Variants in ZNF138 observed in about 807,000 individuals in gnomAD.
The protein encoded by ZNF138 is zinc finger protein 138.
ZNF138 carries 33 observed loss-of-function variants against 33.0 expected under a neutral mutation model. The ratio of observed to expected loss-of-function variants is 1.00; its 90% CI spans 0.76 to 1.34. ZNF138 has a LOEUF of 1.34. ZNF138 is among the 40% of genes most tolerant of loss of function. ZNF138 has a pLI of 0.00. For missense variants in ZNF138, 360 were observed against 370.8 expected (o/e 0.97, Z 0.24); for synonymous variants, 139 against 120.4 (o/e 1.15, Z -1.01).
chr7:64,804,924 G>A (rs537279991), intron 1 of ZNF138, among the ~76,000 whole-genome samples: 7 of 152,214 alleles, frequency 4.6e-5, no homozygotes, highest in East Asian at 1.9e-4. Flanking sequence ...CATAACACCC[G>A]TGTTTCTCAT....
At chr7:64,805,839 G>A (rs1299644714) in intron 1 of ZNF138, among the ~76,000 whole-genome samples, 1 of 152,198 alleles carries the variant, frequency 6.6e-6, no homozygotes, top group Non-Finnish European at 1.5e-5. Context: ...TTTTGTCGTT[G>A]GTTATAACCA....
At chr7:64,845,056 A>G in the ZNF138 span, among the ~76,000 whole-genome samples, 1 of 151,870 alleles carries the variant, frequency 6.6e-6, no homozygotes, top group Admixed American at 6.6e-5. Context: ...AATTAACCCA[A>G]TTTGTAGTCT....
the ZNF138 span, among the ~76,000 whole-genome samples, chr7:64,849,319 T>C: frequency 6.6e-6 from 1 of 152,206 alleles, no homozygotes; most frequent in Non-Finnish European, 1.5e-5. Context: ...CAGCTGTGGA[T>C]ATTAGCACCT....
At chr7:64,850,492 T>A in the ZNF138 span, among the ~76,000 whole-genome samples, 25 of 152,354 alleles carry the variant, frequency 1.6e-4, no homozygotes, top group African/African-American at 6.0e-4. Context: ...AAAGGGGTTT[T>A]TAAATTTCTC....
At chr7:64,857,804 A>G in the ZNF138 span, among the ~76,000 whole-genome samples, 1 of 152,356 alleles carries the variant, frequency 6.6e-6, no homozygotes, top group Middle Eastern at 3.4e-3. Context: ...TTAAAGTCGC[A>G]ATAGCACCAC....
chr7:64,843,888 G>A, the ZNF138 span, among the ~76,000 whole-genome samples: 130,611 of 151,912 alleles, frequency 0.86, 57,500 homozygotes, highest in South Asian at 0.97. Flanking sequence ...GCAGTGGTGT[G>A]ACCTTGGCTC....
the ZNF138 span, chr7:64,853,362 G>A: frequency 1.4e-6 from 2 of 1,462,664 alleles, no homozygotes; most frequent in Non-Finnish European, 1.9e-6. Context: ...TATGGTTGTT[G>A]GGCCCCACTC....
chr7:64,860,639 A>C, the ZNF138 span, among the ~76,000 whole-genome samples: 1 of 152,254 alleles, frequency 6.6e-6, no homozygotes, highest in African/African-American at 2.4e-5. Context: ...CATTATTTTC[A>C]AACACCAGAC....
intron 1 of ZNF138, among the ~76,000 whole-genome samples, chr7:64,812,635 A>AT (rs1788270219): frequency 1.3e-5 from 2 of 152,114 alleles, no homozygotes; most frequent in African/African-American, 4.8e-5. Flanking sequence ...AGAGCAGCTT[A>AT]TTGTTCTGAG....
intron 1 of ZNF138, among the ~76,000 whole-genome samples, chr7:64,809,691 A>G (rs551626862): frequency 0.01 from 1,510 of 145,824 alleles, 29 homozygotes; most frequent in African/African-American, 0.036. Flanking sequence ...GGGGCTCCTC[A>G]CTTCTCAGAC....
the ZNF138 span, among the ~76,000 whole-genome samples, chr7:64,842,813 A>G: frequency 6.6e-6 from 1 of 152,252 alleles, no homozygotes; most frequent in Non-Finnish European, 1.5e-5. Context: ...TAGTTACCTC[A>G]CATAGTTAAC....
At chr7:64,827,804 T>C (rs550837891) in intron 3 of ZNF138, among the ~76,000 whole-genome samples, 1 of 152,178 alleles carries the variant, frequency 6.6e-6, no homozygotes, top group Non-Finnish European at 1.5e-5. Context: ...TTTAATTTTC[T>C]TCTGCAATTT....
downstream of ZNF138, chr7:64,835,588 G>C (rs902565201): frequency 6.6e-6 from 1 of 151,586 alleles, no homozygotes; most frequent in Non-Finnish European, 1.5e-5. Flanking sequence ...TTGTAAATTG[G>C]TCTCAACTAC....
chr7:64,797,307 ATTAT>A (rs1479790181), intron 1 of ZNF138, among the ~76,000 whole-genome samples: 3 of 152,198 alleles, frequency 2.0e-5, no homozygotes, highest in Non-Finnish European at 2.9e-5. Flanking sequence ...TAATAAAATA[ATTAT>A]TTATCGTTTT....
At chr7:64,805,181 G>A (rs570900112) in intron 1 of ZNF138, among the ~76,000 whole-genome samples, 5 of 152,034 alleles carry the variant, frequency 3.3e-5, no homozygotes, top group Admixed American at 6.5e-5. Flanking sequence ...GGTGGATCAC[G>A]AGGTCAGGGG....
chr7:64,850,336 C>T, the ZNF138 span, among the ~76,000 whole-genome samples: 1 of 152,224 alleles, frequency 6.6e-6, no homozygotes, highest in Non-Finnish European at 1.5e-5. Flanking sequence ...TTGCTTCCGT[C>T]AGAGGGTCTT....
chr7:64,831,792 C>T lies in ZNF138; in HGVS notation c.550C>T (p.Gln184Ter), dbSNP rs1790107775. Reference protein sequence around the residue: ...KSLCMLSRLTQHKKIHTRENF... With the variant: ...KSLCMLSRLT ...ACTTTGCATGCTTTCACGCCTAACT[C>T]AACATAAAAAAATTCATACTAGAGA... The change falls in exon 4 of 4, where the codon CAA becomes TAA. Residue 184 changes from glutamine to a stop codon, truncating the protein, a stop_gained. Coordinates refer to ENST00000307355, the MANE Select transcript of ZNF138 (RefSeq NM_001271639.2). LOFTEE classifies it high-confidence loss of function. The T allele has an allele frequency of 1.2e-6, 2 of 1,613,208 alleles. No homozygotes were observed. Among genetic ancestry groups the T allele is most frequent in the African/African-American group, 1.3e-5 (1 of 74,852 alleles).
chr7:64,796,323 T>C (rs1786686588), intron 1 of ZNF138, among the ~76,000 whole-genome samples: 1 of 152,208 alleles, frequency 6.6e-6, no homozygotes, highest in African/African-American at 2.4e-5. Flanking sequence ...CGTTTAGCAC[T>C]TAAGTGAGCA....
chr7:64,819,330 G>A (rs974521488), intron 3 of ZNF138, among the ~76,000 whole-genome samples: 9 of 149,902 alleles, frequency 6.0e-5, no homozygotes, highest in African/African-American at 2.2e-4. Flanking sequence ...TTCCTTGTGT[G>A]AGAGAAACAC....
Sources: allele counts gnomAD v4.1 joint callset (sites outside exome capture counted in the v4.1 genomes callset), GRCh38; gene constraint gnomAD v4.1.1; transcripts MANE v1.5; gene names NCBI Gene and HGNC (gene_info 2026-07-23, HGNC 2026-07-21).